The following PITPNM1 variants were observed in gnomAD, a reference collection of about 807,000 sequenced individuals.
PITPNM1 encodes the protein phosphatidylinositol transfer protein membrane associated 1.
A neutral mutation model predicts 133.3 loss-of-function variants in PITPNM1; 74 were observed. That is an observed-to-expected ratio of 0.56 (90% CI 0.46 to 0.67). The LOEUF is 0.67. Ranked by LOEUF, PITPNM1 falls within the 30% of genes least tolerant of loss-of-function variation. The pLI, the probability that PITPNM1 is intolerant of heterozygous loss-of-function variation, is 0.00. For missense variants in PITPNM1, 1,398 were observed against 1,739.5 expected (o/e 0.80, Z 3.49); for synonymous variants, 738 against 741.4 (o/e 1.00, Z 0.08).
At chr11:67,494,138 G>A (rs1332422139) in intron 19 of PITPNM1, 68 bp from the exon 20 acceptor site, 4 of 1,575,384 alleles carry the variant, frequency 2.5e-6, no homozygotes, top group Non-Finnish European at 3.5e-6. Flanking sequence ...CGGGGCTGTC[G>A]TCGGGGATGG....
Position 67,492,102 on chromosome 11 carries a change from T to TC in PITPNM1, c.3665dup (p.Thr1223AsnfsTer35). 1 of 1,612,342 alleles carries TC rather than the reference T, an allele frequency of 6.2e-7. No individual in the cohort carries two copies. Among genetic ancestry groups the TC allele is most frequent in the Non-Finnish European group, 8.5e-7 (1 of 1,179,864 alleles). On this transcript the variant is annotated frameshift_variant, in exon 24 of 24. Transcript: ENST00000356404. LOFTEE classifies it high-confidence loss of function. ...CCCGTGCCAGGGTGGTGGGTGGTGT[T>TC]CCCGGGCCCTCACGCTCCGCCTGGC...
intron 22 of PITPNM1, 57 bp from the exon 23 acceptor site, chr11:67,493,119 G>A (rs967864322): frequency 2.4e-5 from 38 of 1,599,020 alleles, no homozygotes; most frequent in Non-Finnish European, 3.0e-5. Context: ...AGCTGGGGGC[G>A]GGGCCTGTTG....
rs539788660 is a variant in PITPNM1 at position 67,498,537 on chromosome 11, C to T, written c.1484+59G>A. ...GGCTTCCTGACCCCTTCCCCGCTCC[C>T]TGCCCCGCTCCCTGGCCTGATCCTA... On this transcript the variant is annotated intron_variant, in intron 10 of 23. Coordinates refer to ENST00000356404, the MANE Select transcript of PITPNM1 (RefSeq NM_004910.3). The surrounding 1 kb of genome is among the most constrained non-coding windows in gnomAD (Gnocchi z 5.7). The T allele has an allele frequency of 6.4e-7, 1 of 1,565,868 alleles. No homozygotes were observed. Among genetic ancestry groups the T allele is most frequent in the East Asian group, 2.3e-5 (1 of 44,412 alleles).
Position 67,493,207 on chromosome 11 carries a change from C to A in PITPNM1, c.3343-145G>T, listed in dbSNP as rs1040173133. 59 of 1,142,768 alleles carry A rather than the reference C, an allele frequency of 5.2e-5. 1 individual carries two copies. In the South Asian group the frequency reaches 6.0e-4, roughly 12 times the overall value. 70.8% of individuals were successfully genotyped at this position (1,142,768 alleles called of 1,614,324 possible). A position where few individuals can be genotyped will look rare whatever the true frequency, so the allele number is the denominator to read the frequency against. On this transcript the variant is annotated intron_variant, in intron 22 of 23. Transcript: ENST00000356404. ...GGTCCCAGTCCCACGGGGACAGGGG[C>A]GGGACCAGCTGCATCTCCCTAGTTG...
At position 67,491,965 on chromosome 11, in the gene PITPNM1, C is replaced by T; in HGVS notation, c.*68G>A. On this transcript the variant is annotated 3_prime_UTR_variant, in exon 24 of 24. Coordinates refer to ENST00000356404, the MANE Select transcript of PITPNM1 (RefSeq NM_004910.3). ...GGCCAAAAGTCTGGGTCCCCAGCCT[C>T]CCACACGCAGCCCCTCGGGCCCCTT... 6.5e-7 allele frequency: 1 copy of T among 1,544,926 alleles called. No individual in the cohort carries two copies. Among genetic ancestry groups the T allele is most frequent in the Non-Finnish European group, 8.8e-7 (1 of 1,140,450 alleles).
rs1368786896 is a variant in PITPNM1 at position 67,499,998 on chromosome 11, G to A, written c.979C>T (p.Pro327Ser). 1 of 1,612,250 alleles carries A rather than the reference G, an allele frequency of 6.2e-7. No homozygotes were observed. The highest frequency in any genetic ancestry group is 8.5e-7 in the Non-Finnish European group (1 of 1,179,758). ...YSSQHGGAVSPQSLSEWRMQN... is the reference protein window; with the variant it reads ...YSSQHGGAVSSQSLSEWRMQN... Reference sequence around the variant, plus strand: ...ATGCGCCACTCAGACAAGCTCTGGGGAGACACAGCCCCTGCCGGGCCAGCT... The same window carrying A: ...ATGCGCCACTCAGACAAGCTCTGGGAAGACACAGCCCCTGCCGGGCCAGCT... The change falls in exon 7 of 24, where the codon CCC becomes TCC. Residue 327 changes from proline to serine, a missense_variant. Coordinates refer to ENST00000356404, the MANE Select transcript of PITPNM1 (RefSeq NM_004910.3).
rs761148685 is a variant in PITPNM1 at position 67,496,339 on chromosome 11, A to G, written c.2156T>C (p.Met719Thr). ...TVMPALEAAQ[M>T]RPACEQIYNL... ...GTAGATCTGTTCACAGGCTGGGCGC[A>G]TCTGGGCTGCTGGTACCCAGAAGAC... is the stretch of plus-strand genomic sequence containing the variant. The change falls in exon 15 of 24, where the codon ATG becomes ACG. Residue 719 changes from methionine to threonine, a missense_variant. Met to Thr is a moderately conservative substitution (Grantham distance 81, BLOSUM62 -1). Transcript: ENST00000356404. 8 of 1,576,094 alleles carry G rather than the reference A, an allele frequency of 5.1e-6. No homozygotes were observed. The highest frequency in any genetic ancestry group is 2.4e-5 in the East Asian group (1 of 41,118).
At chr11:67,493,319 G>A in intron 22 of PITPNM1, 91 bp downstream of exon 22, 1 of 1,337,404 alleles carries the variant, frequency 7.5e-7, no homozygotes, top group Non-Finnish European at 1.0e-6. Flanking sequence ...CGATCCAGTT[G>A]GGAACAGATG....
At position 67,498,317 on chromosome 11, in the gene PITPNM1, C is replaced by A; in HGVS notation, c.1490G>T (p.Ser497Ile). ...AAAYALVSNL[S>I]PYSHDGDSLS... ...GCTGTCCCCATCGTGGCTGTAAGGGCTCAGGCTGTAGGAGGGGGAAATGTG... is the reference window on the plus strand; with the variant it reads ...GCTGTCCCCATCGTGGCTGTAAGGGATCAGGCTGTAGGAGGGGGAAATGTG... The change falls in exon 11 of 24, where the codon AGC becomes ATC. Residue 497 changes from serine (S) to isoleucine (I), a missense_variant. Physicochemically the swap from Ser to Ile is moderately radical, Grantham distance 142. Around this residue, in one of 5 missense-constraint regions of PITPNM1, gnomAD observed 574 missense variants for 698.7 expected, o/e 0.82. Coordinates refer to ENST00000356404, the MANE Select transcript of PITPNM1 (RefSeq NM_004910.3). The surrounding 1 kb of genome is among the most constrained non-coding windows in gnomAD (Gnocchi z 5.7). The A allele has an allele frequency of 1.3e-6, 2 of 1,574,204 alleles. No individual in the cohort carries two copies. Among genetic ancestry groups the A allele is most frequent in the Non-Finnish European group, 8.6e-7 (1 of 1,158,616 alleles).
chr11:67,501,933 T>C lies in PITPNM1; in HGVS notation c.569A>G (p.Tyr190Cys), dbSNP rs377463313. ...GCGGAACTCAACCTTGCACAGCTTA[T>C]AGGCACACATAAGGGGCCCCGTCTG... The part of the protein sequence containing the change: ...AAQTGPLMCA[Y>C]KLCKVEFRYW... Residue 190 changes from tyrosine to cysteine, a missense_variant, in exon 5 of 24, where the codon TAT becomes TGT. Tyr to Cys is a radical substitution (Grantham distance 194). This residue lies in a region of PITPNM1 where 274 missense variants were observed against 360.7 expected (regional missense o/e 0.76). Transcript: ENST00000356404. 3.3e-5 allele frequency: 53 copies of C among 1,613,454 alleles called. No individual in the cohort carries two copies. The highest frequency in any genetic ancestry group is 4.3e-5 in the Non-Finnish European group (51 of 1,180,014).
rs1344537848 is a variant in PITPNM1 at position 67,498,557 on chromosome 11, A to T, written c.1484+39T>A. 1.3e-6 allele frequency: 2 copies of T among 1,584,460 alleles called. No homozygotes were observed. The highest frequency in any genetic ancestry group is 1.7e-6 in the Non-Finnish European group (2 of 1,171,084). On this transcript the variant is annotated intron_variant, in intron 10 of 23. Transcript: ENST00000356404. This position sits in a 1 kb window ranked among gnomAD's most constrained non-coding sequence, Gnocchi z 5.7. The stretch of plus-strand genomic sequence containing the variant: ...GCTCCCTGCCCCGCTCCCTGGCCTG[A>T]TCCTACGAGTTCCCTGCCCTTCCAC...
Position 67,504,175 on chromosome 11 carries a change from G to T in PITPNM1, c.6C>A (p.Leu2=). ...GCAGCAGAATGTGGTATTCCTTGAT[G>T]AGCATCCTGAAGGCGCTCGGCGGGC... M[L]IKEYHILLPM... Residue 2 remains leucine (L), a synonymous_variant, in exon 2 of 24, where the codon CTC becomes CTA. Coordinates refer to ENST00000356404, the MANE Select transcript of PITPNM1 (RefSeq NM_004910.3). The surrounding 1 kb of genome is among the most constrained non-coding windows in gnomAD (Gnocchi z 5.4). The T allele has an allele frequency of 6.2e-7, 1 of 1,606,304 alleles. No homozygotes were observed. Among genetic ancestry groups the T allele is most frequent in the Non-Finnish European group, 8.5e-7 (1 of 1,177,494 alleles).
Position 67,501,962 on chromosome 11 carries a change from C to T in PITPNM1, c.540G>A (p.Ala180=), listed in dbSNP as rs369754290. 4.0e-5 allele frequency: 65 copies of T among 1,613,542 alleles called. No homozygotes were observed. The African/African-American group carries it at 5.6e-4, about 14-fold the overall frequency. The change falls in exon 5 of 24, where the codon GCG becomes GCA. Residue 180 remains alanine (A), a synonymous_variant. Transcript: ENST00000356404. ...GPLSDDWART[A]AQTGPLMCAY... ...CACACATAAGGGGCCCCGTCTGTGCCGCCGTCCGTGCCCAGTCATCAGACA... is the reference window on the plus strand; with the variant it reads ...CACACATAAGGGGCCCCGTCTGTGCTGCCGTCCGTGCCCAGTCATCAGACA...
chr11:67,503,900 G>A (rs1866409331), intron 2 of PITPNM1: 1 of 511,358 alleles, frequency 2.0e-6, no homozygotes, highest in African/African-American at 2.0e-5. Context: ...CAGGAGATCA[G>A]AGGAGGGCTG....
chr11:67,496,493 A>T, intron 14 of PITPNM1, 145 bp from the exon 15 acceptor site: 1 of 659,770 alleles, frequency 1.5e-6, no homozygotes, highest in Non-Finnish European at 2.4e-6. Context: ...GGAAGTCAGT[A>T]GGGCCCTGCT....
intron 18 of PITPNM1, 146 bp downstream of exon 18, chr11:67,494,700 C>A: frequency 1.6e-6 from 1 of 610,516 alleles, no homozygotes; most frequent in Admixed American, 2.8e-5. Flanking sequence ...GAGGTGGGGC[C>A]AGGACCCCAG....
rs554824726 is a variant in PITPNM1 at position 67,495,439 on chromosome 11, C to G, written c.2481G>C (p.Lys827Asn). Reference sequence around the variant, plus strand: ...GACTGCCTAGGCTGGCTGACTTACTCTTAACCACCTCACTGGTGGTGCTGG... The same window carrying G: ...GACTGCCTAGGCTGGCTGACTTACTGTTAACCACCTCACTGGTGGTGCTGG... ...AAPSTTSEVVKILERWWGTKR... is the reference protein window; with the variant it reads ...AAPSTTSEVVNILERWWGTKR... The change falls in exon 16 of 24, where the codon AAG becomes AAC. Residue 827 changes from lysine (K) to asparagine (N), a missense_variant and splice_region_variant. Physicochemically the swap from Lys to Asn is moderately conservative, Grantham distance 94 (BLOSUM62 0). Transcript: ENST00000356404. 2.5e-5 allele frequency: 38 copies of G among 1,509,770 alleles called. No homozygotes were observed. In the African/African-American group the frequency reaches 4.7e-4, roughly 19 times the overall value. 93.5% of individuals were successfully genotyped at this position (1,509,770 alleles called of 1,614,324 possible).
Position 67,493,903 on chromosome 11 carries a change from C to A in PITPNM1, c.3008+19G>T. 1 of 1,531,602 alleles carries A rather than the reference C, an allele frequency of 6.5e-7. No individual in the cohort carries two copies. Among genetic ancestry groups the A allele is most frequent in the Admixed American group, 2.1e-5 (1 of 48,550 alleles). 94.9% of individuals were successfully genotyped at this position (1,531,602 alleles called of 1,614,324 possible). ...GCCTGGCGGAGCCCTCCCGCAGAGGCCCGGCCAGCCGCGCTCACCTGACCA... is the reference window on the plus strand; with the variant it reads ...GCCTGGCGGAGCCCTCCCGCAGAGGACCGGCCAGCCGCGCTCACCTGACCA... On this transcript the variant is annotated intron_variant, in intron 20 of 23. Coordinates refer to ENST00000356404, the MANE Select transcript of PITPNM1 (RefSeq NM_004910.3).
rs1354806606 is a variant in PITPNM1 at position 67,502,813 on chromosome 11, C to G, written c.79-95G>C. ...TGGTGTTCTACACAGCTCTGGGGCC[C>G]TGGTCCCAGCCTTTTCAACTCCCTG... On this transcript the variant is annotated intron_variant, in intron 2 of 23. Transcript: ENST00000356404. This position sits in a 1 kb window ranked among gnomAD's most constrained non-coding sequence, Gnocchi z 5.9. 6.4e-6 allele frequency: 8 copies of G among 1,240,426 alleles called. No homozygotes were observed. The highest frequency in any genetic ancestry group is 8.0e-6 in the Non-Finnish European group (7 of 875,134). The allele number at this position is 1,240,426 out of a possible 1,614,324, so 76.8% of individuals were successfully genotyped here. A position where few individuals can be genotyped will look rare whatever the true frequency, so the allele number is the denominator to read the frequency against.
Sources: allele counts gnomAD v4.1 joint callset, GRCh38; gene constraint gnomAD v4.1.1; regional missense constraint gnomAD v4.1.1; non-coding constraint Gnocchi (gnomAD v3.1); transcripts MANE v1.5; gene names NCBI Gene and HGNC (gene_info 2026-07-23, HGNC 2026-07-21).